Variants in LPP observed in about 807,000 individuals in gnomAD.
The protein encoded by LPP is LIM domain containing preferred translocation partner in lipoma, also known as lipoma-preferred partner.
LPP carries 38 observed loss-of-function variants against 60.4 expected under a neutral mutation model. The observed-to-expected ratio is 0.63, with a 90% CI of 0.49 to 0.83. LPP has a LOEUF of 0.83. LPP is among the 40% of genes least tolerant of loss of function. The probability of loss-of-function intolerance (pLI) is 0.00; values close to 1 mark genes in which losing one functional copy is unlikely to be tolerated. For missense variants in LPP, 902 were observed against 783.6 expected (o/e 1.15, Z -1.80); for synonymous variants, 328 against 290.8 (o/e 1.13, Z -1.30).
intron 5 of LPP, among the ~76,000 whole-genome samples, chr3:188,522,139 C>T (rs1819035975): frequency 6.6e-6 from 1 of 152,222 alleles, no homozygotes; most frequent in Non-Finnish European, 1.5e-5. Flanking sequence ...TTCCAGTATA[C>T]AGACCTGCTG....
chr3:188,433,786 A>G (rs1315470743), intron 4 of LPP, among the ~76,000 whole-genome samples: 1 of 152,056 alleles, frequency 6.6e-6, no homozygotes, highest in Non-Finnish European at 1.5e-5. Context: ...AAGGAAGGAA[A>G]AAAGCAGAAA....
chr3:188,514,577 G>C (rs1366905980), intron 5 of LPP, among the ~76,000 whole-genome samples: 1 of 152,018 alleles, frequency 6.6e-6, no homozygotes, highest in Non-Finnish European at 1.5e-5. Flanking sequence ...AAGTAGCTGG[G>C]ATTACGGTTA....
At chr3:188,199,641 T>C (rs1730500156) in intron 1 of LPP, among the ~76,000 whole-genome samples, 1 of 152,190 alleles carries the variant, frequency 6.6e-6, no homozygotes, top group Non-Finnish European at 1.5e-5. Context: ...GTCCATAAAC[T>C]AGTTTGTGTA....
intron 8 of LPP, among the ~76,000 whole-genome samples, chr3:188,719,112 C>T (rs1327613862): frequency 3.3e-5 from 5 of 152,100 alleles, no homozygotes; most frequent in African/African-American, 1.2e-4. Context: ...CATGTATCTT[C>T]TGTGAAATTT....
At chr3:188,762,598 A>G (rs1008951077) in intron 9 of LPP, among the ~76,000 whole-genome samples, 1 of 152,126 alleles carries the variant, frequency 6.6e-6, no homozygotes, top group Non-Finnish European at 1.5e-5. Context: ...TCAAGTTTCT[A>G]TCTCCATTCC....
chr3:188,455,702 C>A (rs776604662), intron 4 of LPP, among the ~76,000 whole-genome samples: 5 of 152,054 alleles, frequency 3.3e-5, no homozygotes, highest in Non-Finnish European at 5.9e-5. Flanking sequence ...ATGACTGTAA[C>A]CTATTCTAGA....
At chr3:188,207,212 C>CTTTTTTTT (rs5855184) in intron 1 of LPP, among the ~76,000 whole-genome samples, 4 of 129,334 alleles carry the variant, frequency 3.1e-5, no homozygotes, top group African/African-American at 5.8e-5. Flanking sequence ...TACACATTTT[C>CTTTTTTTT]TTTTTTTTTT....
intron 9 of LPP, among the ~76,000 whole-genome samples, chr3:188,865,875 A>C (rs946455477): frequency 4.6e-5 from 7 of 152,216 alleles, no homozygotes; most frequent in Admixed American, 4.6e-4. Context: ...CAAGGATAGC[A>C]GTCAGAAAAC....
chr3:188,627,487 G>A (rs911585543), intron 7 of LPP, among the ~76,000 whole-genome samples: 2 of 152,040 alleles, frequency 1.3e-5, no homozygotes, highest in Non-Finnish European at 2.9e-5. Flanking sequence ...TAAAGCAGAG[G>A]TTGCTATTCT....
At chr3:188,762,203 C>G (rs767917023) in intron 9 of LPP, among the ~76,000 whole-genome samples, 6 of 152,112 alleles carry the variant, frequency 3.9e-5, no homozygotes, top group Non-Finnish European at 7.4e-5. Flanking sequence ...AATTTCGTTA[C>G]GTCACTTAGT....
chr3:188,872,787 C>G, intron 11 of LPP, 24 bp downstream of exon 11: 2 of 1,613,786 alleles, frequency 1.2e-6, no homozygotes, highest in Non-Finnish European at 1.7e-6. Context: ...CCCTGCCCTG[C>G]CAGTCTGTGG....
intron 4 of LPP, among the ~76,000 whole-genome samples, chr3:188,450,850 G>A (rs191011009): frequency 6.3e-4 from 96 of 152,110 alleles, no homozygotes; most frequent in Admixed American, 1.4e-3. Context: ...TTCACTGATT[G>A]ATTTCGTTAG....
intron 4 of LPP, among the ~76,000 whole-genome samples, chr3:188,440,995 G>C (rs1198337977): frequency 6.8e-6 from 1 of 146,764 alleles, no homozygotes; most frequent in Non-Finnish European, 1.5e-5. Flanking sequence ...CAGATATATG[G>C]ATTGATGCAG....
chr3:188,536,340 G>C, intron 6 of LPP, among the ~76,000 whole-genome samples: 1 of 151,874 alleles, frequency 6.6e-6, no homozygotes, highest in African/African-American at 2.4e-5. Flanking sequence ...TGCGTTTACT[G>C]CCAGGAAGCT....
rs913004296 is a variant in LPP, at chr3:188,352,741, T to C, written c.-10+11022T>C. 9.2e-5 allele frequency among the ~76,000 whole-genome samples: 14 copies of C among 152,132 alleles called. No individual in the cohort carries two copies. On this transcript the variant is annotated intron_variant, in intron 3 of 11. Coordinates refer to ENST00000617246, the MANE Select transcript of LPP (RefSeq NM_001375462.1). This position sits in a 1 kb window ranked among gnomAD's most constrained non-coding sequence, Gnocchi z 4.4. ...ACTGAGCCCTGCCTGAGTGCGCACT[T>C]CAGTCCTGAAAGCTGCAGAGGGATG...
At chr3:188,171,927 C>T (rs553757077) in intron 1 of LPP, among the ~76,000 whole-genome samples, 1 of 152,296 alleles carries the variant, frequency 6.6e-6, no homozygotes, top group East Asian at 1.9e-4. Flanking sequence ...AGCAGACAGC[C>T]AGCAAGTAGC....
At chr3:188,324,780 G>A (rs763464380) in intron 2 of LPP, among the ~76,000 whole-genome samples, 4 of 152,024 alleles carry the variant, frequency 2.6e-5, no homozygotes, top group African/African-American at 9.7e-5. Context: ...CTCCCCTTAA[G>A]CCATACGGTG....
At chr3:188,240,440 T>A (rs1723894591) in intron 2 of LPP, among the ~76,000 whole-genome samples, 1 of 150,904 alleles carries the variant, frequency 6.6e-6, no homozygotes, top group African/African-American at 2.4e-5. Context: ...GTCAGATTGT[T>A]TGACAGTAGC....
At chr3:188,476,167 T>G (rs1361454953) in intron 4 of LPP, among the ~76,000 whole-genome samples, 1 of 152,228 alleles carries the variant, frequency 6.6e-6, no homozygotes, top group African/African-American at 2.4e-5. Context: ...TTATTCTTCT[T>G]TGGAGTATAA....
Sources: allele counts gnomAD v4.1 joint callset (sites outside exome capture counted in the v4.1 genomes callset), GRCh38; gene constraint gnomAD v4.1.1; non-coding constraint Gnocchi (gnomAD v3.1); transcripts MANE v1.5; gene names NCBI Gene and HGNC (gene_info 2026-07-23, HGNC 2026-07-21).